Variants in RNGTT observed in about 807,000 individuals in gnomAD.
RNGTT encodes the protein mRNA-capping enzyme.
In RNGTT, 33 loss-of-function variants were observed where a neutral mutation model predicts 79.3. The observed-to-expected ratio is 0.42, with a 90% CI of 0.32 to 0.56. The LOEUF (loss-of-function observed/expected upper bound fraction) is 0.56, where lower values mean the gene tolerates loss of function less well. Among genes scored for constraint, RNGTT ranks in the 20% least tolerant of loss-of-function variants. The pLI, the probability that RNGTT is intolerant of heterozygous loss-of-function variation, is 0.17. For synonymous variants in RNGTT, 222 were observed against 235.9 expected, an observed-to-expected ratio of 0.94 and a Z score of 0.54; for missense variants, 497 against 739.1, an observed-to-expected ratio of 0.67 and a Z score of 3.80.
chr6:88,655,227 T>C (rs1280185302), intron 14 of RNGTT, among the ~76,000 whole-genome samples: 1 of 152,224 alleles, frequency 6.6e-6, no homozygotes, highest in Non-Finnish European at 1.5e-5. Flanking sequence ...AAATTTAATT[T>C]AGGCTAAATA....
intron 14 of RNGTT, among the ~76,000 whole-genome samples, chr6:88,618,046 C>T (rs192782471): frequency 1.3e-5 from 2 of 152,116 alleles, no homozygotes; most frequent in East Asian, 1.9e-4. Flanking sequence ...TATCATATAG[C>T]TTATCATTCT....
chr6:88,958,225 T>C (rs1364516415), intron 1 of RNGTT, among the ~76,000 whole-genome samples: 1 of 152,196 alleles, frequency 6.6e-6, no homozygotes, highest in Non-Finnish European at 1.5e-5. Flanking sequence ...CAACTGGAGA[T>C]GGATCAACTC....
At chr6:88,799,992 A>T (rs1582474996) in intron 12 of RNGTT, among the ~76,000 whole-genome samples, 1 of 152,158 alleles carries the variant, frequency 6.6e-6, no homozygotes, top group African/African-American at 2.4e-5. Flanking sequence ...TTCCGTCCCT[A>T]ACCTCTAGTG....
intron 4 of RNGTT, among the ~76,000 whole-genome samples, chr6:88,920,868 A>T (rs1784141938): frequency 6.6e-6 from 1 of 152,188 alleles, no homozygotes; most frequent in African/African-American, 2.4e-5. Context: ...AAATTTATAG[A>T]ACCTAGTGAT....
intron 11 of RNGTT, among the ~76,000 whole-genome samples, chr6:88,803,367 A>G (rs1355200027): frequency 6.6e-6 from 1 of 151,964 alleles, no homozygotes; most frequent in South Asian, 2.1e-4. Flanking sequence ...TGAGGTCAGG[A>G]GTTCAAGACC....
chr6:88,807,236 G>A (rs1779988886), intron 11 of RNGTT, among the ~76,000 whole-genome samples: 1 of 152,090 alleles, frequency 6.6e-6, no homozygotes, highest in Non-Finnish European at 1.5e-5. Context: ...CATGTACCCT[G>A]AACTTAAAAG....
intron 11 of RNGTT, among the ~76,000 whole-genome samples, chr6:88,812,346 G>GTTAGTC (rs1780166080): frequency 6.6e-6 from 1 of 152,112 alleles, no homozygotes; most frequent in African/African-American, 2.4e-5. Context: ...TTTGGTTGCC[G>GTTAGTC]TTAGTCTTAT....
intron 13 of RNGTT, among the ~76,000 whole-genome samples, chr6:88,703,775 T>A (rs976818796): frequency 3.3e-5 from 5 of 152,248 alleles, no homozygotes; most frequent in African/African-American, 1.2e-4. Flanking sequence ...TGAACCACTT[T>A]ATCTGGAAAG....
At chr6:88,656,990 C>G (rs573273095) in intron 14 of RNGTT, among the ~76,000 whole-genome samples, 1 of 152,160 alleles carries the variant, frequency 6.6e-6, no homozygotes, top group South Asian at 2.1e-4. Context: ...ACTCGAGAGG[C>G]TGAGCTGCAG....
intron 4 of RNGTT, among the ~76,000 whole-genome samples, chr6:88,915,491 T>C (rs544382678): frequency 1.3e-5 from 2 of 152,300 alleles, no homozygotes; most frequent in Non-Finnish European, 2.9e-5. Flanking sequence ...CTGGAGGCCA[T>C]TATCCCAAGA....
intron 11 of RNGTT, among the ~76,000 whole-genome samples, chr6:88,832,782 C>A (rs1053485882): frequency 1.9e-4 from 29 of 152,182 alleles, no homozygotes. Flanking sequence ...ACAGACACTT[C>A]TCAAAAGAAG....
intron 13 of RNGTT, among the ~76,000 whole-genome samples, chr6:88,761,984 TA>T (rs1267367608): frequency 6.7e-6 from 1 of 148,972 alleles, no homozygotes; most frequent in Non-Finnish European, 1.5e-5. Flanking sequence ...AAAAATCTAA[TA>T]AAAAAATTAT....
chr6:88,913,231 A>C (rs574842578), intron 4 of RNGTT, among the ~76,000 whole-genome samples: 53 of 146,650 alleles, frequency 3.6e-4, no homozygotes, highest in South Asian at 1.7e-3. Context: ...AAAAAACAAA[A>C]AAAAAAAAGC....
At chr6:88,869,495 TA>T (rs1782287474) in intron 8 of RNGTT, among the ~76,000 whole-genome samples, 1 of 152,180 alleles carries the variant, frequency 6.6e-6, no homozygotes, top group African/African-American at 2.4e-5. Flanking sequence ...GGTTCTTTTA[TA>T]AGTAGAGATA....
chr6:88,754,303 C>T (rs557650878), intron 13 of RNGTT, among the ~76,000 whole-genome samples: 1 of 152,252 alleles, frequency 6.6e-6, no homozygotes, highest in South Asian at 2.1e-4. Context: ...GTACAGGCCA[C>T]TGAAATCTAA....
At chr6:88,759,357 A>C (rs983874163) in intron 13 of RNGTT, among the ~76,000 whole-genome samples, 15 of 152,114 alleles carry the variant, frequency 9.9e-5, no homozygotes, top group Admixed American at 9.8e-4. Flanking sequence ...AGAATAAGAC[A>C]TTTCTCTGAA....
intron 4 of RNGTT, among the ~76,000 whole-genome samples, chr6:88,911,855 C>G (rs1783837868): frequency 6.6e-6 from 1 of 151,982 alleles, no homozygotes; most frequent in African/African-American, 2.4e-5. Context: ...CTCTGAGAGG[C>G]CAAGCAGATG....
intron 13 of RNGTT, among the ~76,000 whole-genome samples, chr6:88,726,409 C>CAAAAAAAAAAAAA (rs1776908388): frequency 2.5e-5 from 3 of 121,914 alleles, no homozygotes; most frequent in African/African-American, 3.1e-5. Flanking sequence ...AAAAAAAAAG[C>CAAAAAAAAAAAAA]AAAAAGGTAG....
chr6:88,832,217 A>G (rs1490523724), intron 11 of RNGTT, among the ~76,000 whole-genome samples: 2 of 152,234 alleles, frequency 1.3e-5, no homozygotes, highest in African/African-American at 4.8e-5. Flanking sequence ...TAACCAAAAC[A>G]GCATGGTACT....
Sources: allele counts gnomAD v4.1 joint callset (sites outside exome capture counted in the v4.1 genomes callset), GRCh38; gene constraint gnomAD v4.1.1; transcripts MANE v1.5; gene names NCBI Gene and HGNC (gene_info 2026-07-23, HGNC 2026-07-21).